Variants in TRIM40 observed in about 807,000 individuals in gnomAD.
TRIM40 encodes the protein E3 ubiquitin ligase TRIM40.
Under a neutral mutation model 26.1 loss-of-function variants are expected in TRIM40, and 27 were observed. The ratio of observed to expected loss-of-function variants is 1.04; its 90% confidence interval spans 0.76 to 1.43. TRIM40 has a LOEUF of 1.43. Among genes scored for constraint, TRIM40 ranks in the 40% most tolerant of loss-of-function variants. TRIM40 has a pLI of 0.00. For synonymous variants in TRIM40, 114 were observed against 120.0 expected (o/e 0.95, Z 0.33); for missense variants, 289 against 307.9 (o/e 0.94, Z 0.46).
Position 30,137,228 on chromosome 6 carries a change from G to T in TRIM40, c.192G>T (p.Val64=), listed in dbSNP as rs766779827. Residue 64 remains valine, a synonymous_variant, in exon 2 of 6, where the codon GTG becomes GTT. Transcript: ENST00000396581. Reference sequence around the variant, plus strand: ...GCCGGAAGCCCTGTTCTGAGGAGGTGCTAGGGACAGGCTATATCTGCCCCA... The same window carrying T: ...GCCGGAAGCCCTGTTCTGAGGAGGTTCTAGGGACAGGCTATATCTGCCCCA... ...PLCRKPCSEE[V]LGTGYICPNH... 2 of 1,613,080 alleles carry T rather than the reference G, an allele frequency of 1.2e-6. No homozygotes were observed. Among genetic ancestry groups the T allele is most frequent in the Non-Finnish European group, 1.7e-6 (2 of 1,180,026 alleles).
At chr6:30,141,904 C>T (rs1250910550) in intron 2 of TRIM40, among the ~76,000 whole-genome samples, 1 of 152,106 alleles carries the variant, frequency 6.6e-6, no homozygotes. Context: ...AAATGTTTAA[C>T]ATGTTTCAGG....
chr6:30,142,355 A>T lies in TRIM40; in HGVS notation c.346-3639A>T, dbSNP rs140454446. 8.7e-3 allele frequency among the ~76,000 whole-genome samples: 1,320 copies of T among 152,200 alleles called. 8 individuals carry two copies. Among genetic ancestry groups the T allele is most frequent in the Middle Eastern group, 0.027 (8 of 294 alleles). Reference sequence around the variant, plus strand: ...GTGTGACAGTGATGTACGTTGTTTTACTTTGCTTGATTATGAATGCTAGTA... The same window carrying T: ...GTGTGACAGTGATGTACGTTGTTTTTCTTTGCTTGATTATGAATGCTAGTA... On this transcript the variant is annotated intron_variant, in intron 2 of 5. Transcript: ENST00000396581.
chr6:30,147,212 G>A lies in TRIM40; in HGVS notation c.666+3G>A. The A allele has an allele frequency of 3.1e-6, 5 of 1,614,176 alleles. No homozygotes were observed. Among genetic ancestry groups the A allele is most frequent in the Non-Finnish European group, 4.2e-6 (5 of 1,180,018 alleles). ...AATTAGACACCAACACACTGAAGGT[G>A]CATACCCTGAGGCCTTCCCCAAGGG... On this transcript the variant is annotated splice_donor_region_variant and intron_variant, in intron 4 of 5. Transcript: ENST00000396581.
chr6:30,136,560 A>G (rs1227520689), intron 1 of TRIM40, 173 bp from the exon 2 acceptor site: 1 of 163,862 alleles, frequency 6.1e-6, no homozygotes, highest in Non-Finnish European at 1.3e-5. Context: ...CTCCTGCCAA[A>G]CTCTCTCTAC....
At chr6:30,143,665 T>C (rs1319829887) in intron 2 of TRIM40, among the ~76,000 whole-genome samples, 1 of 152,194 alleles carries the variant, frequency 6.6e-6, no homozygotes, top group Admixed American at 6.5e-5. Context: ...CTCTGAGGAA[T>C]ATTTTGGTAG....
In TRIM40 at chr6:30,137,377, A is replaced by G. The variant is rs28780086; in HGVS notation, c.341A>G (p.Tyr114Cys). 0.018 allele frequency: 28,730 copies of G among 1,611,200 alleles called. 335 individuals carry two copies. Among genetic ancestry groups the G allele is most frequent in the Non-Finnish European group, 0.021 (25,137 of 1,178,890 alleles). ...ACCATTGAAAATGCCCTCAGCCACT[A>G]CAAGGTAAGCCTGGGTCACCGCAGC... ...ELTIENALSH[Y>C]KERLNRRSRK... The change falls in exon 2 of 6, where the codon TAC becomes TGC. Residue 114 changes from tyrosine (Y) to cysteine (C), a missense_variant. Physicochemically the swap from Tyr to Cys is radical, Grantham distance 194. Transcript: ENST00000396581.
intron 2 of TRIM40, among the ~76,000 whole-genome samples, chr6:30,139,827 G>C (rs1489134701): frequency 6.6e-6 from 1 of 152,178 alleles, no homozygotes; most frequent in Non-Finnish European, 1.5e-5. Context: ...TTTATCATTA[G>C]AGTTTGAATC....
Position 30,136,883 on chromosome 6 carries a change from A to G in TRIM40, c.-154A>G. The stretch of plus-strand genomic sequence containing the variant: ...TGAGGGAGAGTGGGCAATTGCCTGA[A>G]CTTGGAGGCTGTGTCCTGTCCCCAG... On this transcript the variant is annotated 5_prime_UTR_variant, in exon 2 of 6. Transcript: ENST00000396581. 1 of 684,828 alleles carries G rather than the reference A, an allele frequency of 1.5e-6. No individual in the cohort carries two copies. 42.4% of individuals were successfully genotyped at this position (684,828 alleles called of 1,614,324 possible). A position where few individuals can be genotyped will look rare whatever the true frequency, so the allele number is the denominator to read the frequency against.
At position 30,147,953 on chromosome 6, in the gene TRIM40, T is replaced by G; in HGVS notation, c.*141T>G. The G allele has an allele frequency of 1.5e-6, 1 of 683,074 alleles. No individual in the cohort carries two copies. The highest frequency in any genetic ancestry group is 2.5e-5 in the Admixed American group (1 of 40,248). The allele number at this position is 683,074 out of a possible 1,614,324, so 42.3% of individuals were successfully genotyped here. A position where few individuals can be genotyped will look rare whatever the true frequency, so the allele number is the denominator to read the frequency against. On this transcript the variant is annotated 3_prime_UTR_variant, in exon 6 of 6. Coordinates refer to ENST00000396581, the MANE Select transcript of TRIM40 (RefSeq NM_001286633.2). ...TCCTGAACATGTCACCATTTCTTCA[T>G]GTCCACAGTCATCACCTGATGCCTG...
intron 2 of TRIM40, among the ~76,000 whole-genome samples, chr6:30,138,441 A>G (rs886866587): frequency 1.3e-5 from 2 of 152,208 alleles, no homozygotes; most frequent in Non-Finnish European, 2.9e-5. Context: ...TGATTCATAT[A>G]GTTTCCCCAT....
chr6:30,144,615 G>A (rs1427723859), intron 2 of TRIM40, among the ~76,000 whole-genome samples: 1 of 152,198 alleles, frequency 6.6e-6, no homozygotes, highest in African/African-American at 2.4e-5. Context: ...TAGGAAGGAT[G>A]GGGTGGAGAG....
At chr6:30,139,129 T>A (rs1021163181) in intron 2 of TRIM40, among the ~76,000 whole-genome samples, 2 of 152,192 alleles carry the variant, frequency 1.3e-5, no homozygotes, top group African/African-American at 4.8e-5. Context: ...TTGTTTCAAA[T>A]CTGTCTTTAA....
At chr6:30,144,267 C>G (rs1479127127) in intron 2 of TRIM40, among the ~76,000 whole-genome samples, 2 of 152,018 alleles carry the variant, frequency 1.3e-5, no homozygotes, top group African/African-American at 4.8e-5. Flanking sequence ...AGATTTCAAG[C>G]TGAATGGCAG....
At chr6:30,146,336 G>A (rs575374498) in intron 3 of TRIM40, among the ~76,000 whole-genome samples, 8 of 152,320 alleles carry the variant, frequency 5.3e-5, no homozygotes, top group South Asian at 2.1e-4. Flanking sequence ...CTGGATCACA[G>A]TAGGGATCAA....
intron 2 of TRIM40, among the ~76,000 whole-genome samples, chr6:30,139,260 A>G (rs1188927782): frequency 6.6e-6 from 1 of 152,028 alleles, no homozygotes; most frequent in Non-Finnish European, 1.5e-5. Flanking sequence ...ATGAAGACAG[A>G]TGCCATTCCT....
intron 3 of TRIM40, among the ~76,000 whole-genome samples, chr6:30,146,568 G>A (rs1771670239): frequency 1.3e-5 from 2 of 152,004 alleles, no homozygotes; most frequent in African/African-American, 4.8e-5. Flanking sequence ...TTGCCACCAC[G>A]CCCAGCTAAT....
At chr6:30,137,421 C>CA in intron 2 of TRIM40, 40 bp downstream of exon 2, 4 of 1,558,484 alleles carry the variant, frequency 2.6e-6, no homozygotes, top group Non-Finnish European at 3.5e-6. Context: ...GCCTCCACCT[C>CA]GCTGAGGTGC....
rs373864579 is a variant in TRIM40 at position 30,146,100 on chromosome 6, C to A, written c.441+11C>A. The A allele has an allele frequency of 4.7e-5, 76 of 1,609,818 alleles. No individual in the cohort carries two copies. The African/African-American group carries it at 9.4e-4, about 20-fold the overall frequency. On this transcript the variant is annotated intron_variant, in intron 3 of 5. Coordinates refer to ENST00000396581, the MANE Select transcript of TRIM40 (RefSeq NM_001286633.2). ...CTGCAGGCTCTGCAGGTGGGTTTTT[C>A]GGGTTCCTGGGAAGGACTCCCTGGA... is the stretch of plus-strand genomic sequence containing the variant.
Position 30,136,185 on chromosome 6 carries a change from T to C in TRIM40, c.-309T>C, listed in dbSNP as rs540422006. On this transcript the variant is annotated 5_prime_UTR_variant, in exon 1 of 6. Transcript: ENST00000396581. ...TGATCTGAAATTGTAGCAGGAGAAA[T>C]TGAGGTAGGATACTAAGAAAGCTTT... is the stretch of plus-strand genomic sequence containing the variant. 1 of 152,268 alleles carries C rather than the reference T, an allele frequency of 6.6e-6. No homozygotes were observed. The highest frequency in any genetic ancestry group is 2.4e-5 in the African/African-American group (1 of 41,486). 9.4% of individuals were successfully genotyped at this position (152,268 alleles called of 1,614,324 possible).
Sources: allele counts gnomAD v4.1 joint callset (sites outside exome capture counted in the v4.1 genomes callset), GRCh38; gene constraint gnomAD v4.1.1; transcripts MANE v1.5; gene names NCBI Gene and HGNC (gene_info 2026-07-23, HGNC 2026-07-21).